Variants in RBL1 observed in about 807,000 individuals in gnomAD.
The protein encoded by RBL1 is RB transcriptional corepressor like 1.
In RBL1, 82 loss-of-function variants were observed where a neutral mutation model predicts 123.0. The ratio of observed to expected loss-of-function variants is 0.67; its 90% CI spans 0.56 to 0.80. The LOEUF (loss-of-function observed/expected upper bound fraction) is 0.80. RBL1 is among the 30% of genes least tolerant of loss of function. RBL1 has a pLI of 0.00. For synonymous variants in RBL1, 405 were observed against 441.3 expected (o/e 0.92, Z 1.03); for missense variants, 1,171 against 1,299.6 (o/e 0.90, Z 1.52).
At chr20:37,033,028 T>C in intron 15 of RBL1, 152 bp from the exon 16 acceptor site, 1 of 1,299,938 alleles carries the variant, frequency 7.7e-7, no homozygotes, top group Non-Finnish European at 1.0e-6. Context: ...CTTTTTTTTT[T>C]TTTTTTTGAG....
At chr20:37,007,163 C>G (rs973072806) in intron 20 of RBL1, among the ~76,000 whole-genome samples, 1 of 151,982 alleles carries the variant, frequency 6.6e-6, no homozygotes, top group South Asian at 2.1e-4. Flanking sequence ...GTGGGAGGAT[C>G]GCTTGAGGCC....
intron 21 of RBL1, among the ~76,000 whole-genome samples, chr20:37,001,128 G>T (rs1046411975): frequency 1.3e-5 from 2 of 148,484 alleles, no homozygotes; most frequent in African/African-American, 2.5e-5. Context: ...GAGGCGGGGG[G>T]GTCAGCCCCC....
chr20:37,004,566 A>C (rs1321999478), intron 20 of RBL1, among the ~76,000 whole-genome samples: 7 of 149,806 alleles, frequency 4.7e-5, no homozygotes, highest in Admixed American at 4.6e-4. Flanking sequence ...TGCAAAAATT[A>C]GCTGGGCGTG....
At chr20:37,044,344 CTTCT>C in intron 12 of RBL1, 94 bp from the exon 13 acceptor site, 3 of 1,292,000 alleles carry the variant, frequency 2.3e-6, no homozygotes, top group Non-Finnish European at 3.2e-6. Flanking sequence ...TCTTCTTCTT[CTTCT>C]TTTTTTTGAG....
Position 37,080,518 on chromosome 20 carries a change from G to A in RBL1, c.290+8471C>T, listed in dbSNP as rs558447971. Among the ~76,000 whole-genome samples the A allele has an allele frequency of 3.3e-5, 5 of 151,252 alleles. No homozygotes were observed. The South Asian group carries it at 1.0e-3, about 32-fold the overall frequency. ...TTGTGGCCCAGGCTGGAGTGCAGTG[G>A]TGCGATCTCGGCTCACTACAACCTC... On this transcript the variant is annotated intron_variant, in intron 2 of 21. Transcript: ENST00000373664.
intron 1 of RBL1, among the ~76,000 whole-genome samples, chr20:37,092,990 T>C (rs967834766): frequency 6.6e-6 from 1 of 152,126 alleles, no homozygotes; most frequent in Non-Finnish European, 1.5e-5. Flanking sequence ...ACTTCACATC[T>C]GGAGCTAAGA....
chr20:37,042,603 A>G (rs988243582), intron 13 of RBL1, among the ~76,000 whole-genome samples: 2 of 152,100 alleles, frequency 1.3e-5, no homozygotes, highest in African/African-American at 4.8e-5. Flanking sequence ...AGCAGCATCA[A>G]TCATAATAGC....
At chr20:37,075,399 C>T (rs559332017) in intron 2 of RBL1, among the ~76,000 whole-genome samples, 13 of 152,194 alleles carry the variant, frequency 8.5e-5, no homozygotes, top group Admixed American at 3.3e-4. Flanking sequence ...CTCCCCACAA[C>T]ACTACTCCAA....
At chr20:37,049,003 A>C (rs1485484752) in intron 11 of RBL1, among the ~76,000 whole-genome samples, 6 of 151,826 alleles carry the variant, frequency 4.0e-5, no homozygotes, top group Non-Finnish European at 2.9e-5. Flanking sequence ...GGAGTTCGAG[A>C]CCAGCTTGGC....
At chr20:37,086,802 C>A (rs1338470053) in intron 2 of RBL1, among the ~76,000 whole-genome samples, 1 of 152,220 alleles carries the variant, frequency 6.6e-6, no homozygotes, top group South Asian at 2.1e-4. Context: ...GTATCTGAGA[C>A]CCATAGAGTA....
chr20:37,049,163 C>T, intron 11 of RBL1: 1 of 296,342 alleles, frequency 3.4e-6, no homozygotes, highest in Non-Finnish European at 6.4e-6. Flanking sequence ...GGTCATGCTA[C>T]TGCACTCCAG....
At chr20:37,024,491 T>G (rs2064390400) in intron 16 of RBL1, among the ~76,000 whole-genome samples, 1 of 152,224 alleles carries the variant, frequency 6.6e-6, no homozygotes, top group Admixed American at 6.5e-5. Flanking sequence ...GCTGGAAGGC[T>G]TTTGATTCTA....
chr20:37,056,747 A>G (rs979315278), intron 9 of RBL1, among the ~76,000 whole-genome samples: 2 of 152,182 alleles, frequency 1.3e-5, no homozygotes, highest in African/African-American at 2.4e-5. Flanking sequence ...ATGATAAAAT[A>G]TTTTAACACG....
At chr20:37,056,706 T>C (rs113363215) in intron 9 of RBL1, among the ~76,000 whole-genome samples, 15 of 152,266 alleles carry the variant, frequency 9.9e-5, no homozygotes, top group African/African-American at 3.1e-4. Flanking sequence ...TATTCTCAGT[T>C]GGAAATCTAC....
chr20:37,022,656 C>T lies in RBL1; in HGVS notation c.2553G>A (p.Met851Ile). Residue 851 changes from methionine (M) to isoleucine (I), a missense_variant, in exon 17 of 22, where the codon ATG becomes ATA. Physicochemically the swap from Met to Ile is conservative, Grantham distance 10. Coordinates refer to ENST00000373664, the MANE Select transcript of RBL1 (RefSeq NM_002895.5). ...DQLLLCAFYIMAKVTKEERTF... is the reference protein window; with the variant it reads ...DQLLLCAFYIIAKVTKEERTF... ...CTCCCAATTTATACATTACCTTTGC[C>T]ATGATATAAAAGGCACAAAGGAGGA... 6.2e-7 allele frequency: 1 copy of T among 1,607,998 alleles called. No individual in the cohort carries two copies. Among genetic ancestry groups the T allele is most frequent in the South Asian group, 1.1e-5 (1 of 90,356 alleles).
In RBL1 at chr20:37,049,594, CGA is replaced by C. The variant is rs1284638089; in HGVS notation, c.1468-2406_1468-2405del. On this transcript the variant is annotated intron_variant, in intron 11 of 21. Transcript: ENST00000373664. Reference sequence around the variant, plus strand: ...GAACGGCAAAATTAGTTGCTTTCGTCGAGAGTGCCCTTCTGATGAATGTGGTG... The same window carrying C: ...GAACGGCAAAATTAGTTGCTTTCGTCGAGTGCCCTTCTGATGAATGTGGTG... The C allele has an allele frequency of 1.2e-5, 9 of 755,506 alleles. No homozygotes were observed. In the East Asian group the frequency reaches 1.7e-4, roughly 14 times the overall value. The allele number at this position is 755,506 out of a possible 1,614,324, so 46.8% of individuals were successfully genotyped here.
intron 10 of RBL1, 52 bp downstream of exon 10, chr20:37,056,094 G>T: frequency 1.9e-6 from 3 of 1,548,464 alleles, no homozygotes; most frequent in South Asian, 2.4e-5. Context: ...TTCTAATTTT[G>T]GGGGGATTAC....
intron 2 of RBL1, among the ~76,000 whole-genome samples, chr20:37,074,739 C>T (rs908525429): frequency 5.3e-5 from 8 of 151,866 alleles, no homozygotes; most frequent in African/African-American, 1.7e-4. Context: ...GCACAAGAAT[C>T]GTTGAAACCT....
Position 37,089,134 on chromosome 20 carries a change from A to C in RBL1, c.157-12T>G. Reference sequence around the variant, plus strand: ...TGTGTAACTTCTCCCTGGCAAGCAAAAGACAAACAGCAAAACAGGTATAAT... The same window carrying C: ...TGTGTAACTTCTCCCTGGCAAGCAACAGACAAACAGCAAAACAGGTATAAT... On this transcript the variant is annotated splice_polypyrimidine_tract_variant and intron_variant, in intron 1 of 21. Transcript: ENST00000373664. 1 of 1,589,448 alleles carries C rather than the reference A, an allele frequency of 6.3e-7. No homozygotes were observed.
Sources: gnomAD v4.1 joint callset for allele counts (sites outside exome capture counted in the v4.1 genomes callset) on GRCh38, gnomAD v4.1.1 for gene constraint, MANE v1.5 for transcripts, NCBI Gene and HGNC (gene_info 2026-07-23, HGNC 2026-07-21) for gene names.